Variants in MIER3 observed in about 807,000 individuals in gnomAD.
The protein encoded by MIER3 is MIER family member 3.
In MIER3, 9 loss-of-function variants were observed where a neutral mutation model predicts 63.2. That is an observed-to-expected ratio of 0.14 (90% confidence interval 0.09 to 0.25). MIER3 has a LOEUF of 0.25. Ranked by LOEUF, MIER3 falls within the 10% of genes least tolerant of loss-of-function variation. MIER3 has a pLI of 1.00. For synonymous variants in MIER3, 205 were observed against 224.9 expected (o/e 0.91, Z 0.79); for missense variants, 512 against 666.2 (o/e 0.77, Z 2.55).
chr5:56,950,796 C>A, intron 1 of MIER3, 144 bp from the exon 2 acceptor site: 1 of 890,924 alleles, frequency 1.1e-6, no homozygotes, highest in Non-Finnish European at 1.8e-6. Flanking sequence ...CGAATCGCTC[C>A]CGGCCCCTTT....
At chr5:56,941,291 G>A in intron 3 of MIER3, 1 of 266,892 alleles carries the variant, frequency 3.7e-6, no homozygotes, top group Non-Finnish European at 5.8e-6. Context: ...ATGGAGGTAT[G>A]CACAGAGGGT....
At chr5:56,951,043 A>T (rs566873118) in intron 1 of MIER3, among the ~76,000 whole-genome samples, 1 of 152,166 alleles carries the variant, frequency 6.6e-6, no homozygotes, top group East Asian at 1.9e-4. Flanking sequence ...AAACAACTCG[A>T]AACGTAACAC....
intron 3 of MIER3, among the ~76,000 whole-genome samples, chr5:56,944,657 T>C (rs1468315997): frequency 1.3e-5 from 2 of 152,210 alleles, no homozygotes; most frequent in African/African-American, 4.8e-5. Flanking sequence ...AGGCACAGGC[T>C]GCAAAACTAT....
chr5:56,949,335 G>A (rs564657021), intron 2 of MIER3, among the ~76,000 whole-genome samples: 5 of 152,130 alleles, frequency 3.3e-5, no homozygotes, highest in East Asian at 1.9e-4. Context: ...CCTGCATAAC[G>A]TCTCAAACAA....
Position 56,939,794 on chromosome 5 carries a change from C to A in MIER3, c.181-777G>T, listed in dbSNP as rs549308250. On this transcript the variant is annotated intron_variant, in intron 3 of 12. Coordinates refer to ENST00000381199, the MANE Select transcript of MIER3 (RefSeq NM_001297599.2). Reference sequence around the variant, plus strand: ...ATGTGAAAATAAGTGTTACCATGCACAACGTAACATTCAGTACATGCAGAC... The same window carrying A: ...ATGTGAAAATAAGTGTTACCATGCAAAACGTAACATTCAGTACATGCAGAC... Among the ~76,000 whole-genome samples the A allele has an allele frequency of 7.1e-4, 108 of 152,280 alleles. 4 individuals are homozygous for A. The South Asian group carries it at 0.021, about 30-fold the overall frequency.
intron 3 of MIER3, among the ~76,000 whole-genome samples, chr5:56,946,001 T>A (rs1412279186): frequency 1.3e-5 from 2 of 152,200 alleles, no homozygotes; most frequent in Non-Finnish European, 2.9e-5. Context: ...ACCACATGTA[T>A]ACAGTTGTAC....
intron 3 of MIER3, among the ~76,000 whole-genome samples, chr5:56,942,966 C>T (rs913820846): frequency 6.6e-6 from 1 of 151,920 alleles, no homozygotes; most frequent in Non-Finnish European, 1.5e-5. Context: ...ATTGCAAGAC[C>T]CCTTCTCTAT....
At chr5:56,924,263 T>C (rs186113030) in intron 10 of MIER3, among the ~76,000 whole-genome samples, 1 of 151,884 alleles carries the variant, frequency 6.6e-6, no homozygotes, top group African/African-American at 2.4e-5. Flanking sequence ...GTTTTTTTTT[T>C]AAAAAAATCA....
In MIER3 at chr5:56,950,536, G is replaced by A. The variant is rs1750983229; in HGVS notation, c.34+92C>T. On this transcript the variant is annotated intron_variant, in intron 2 of 12. Coordinates refer to ENST00000381199, the MANE Select transcript of MIER3 (RefSeq NM_001297599.2). ...AAAATCAATGAAGAAAAACCTGCAG[G>A]ATACATTTCTATTGGGAATCCTTTA... The A allele has an allele frequency of 2.3e-6, 3 of 1,326,184 alleles. No individual in the cohort carries two copies. In the Admixed American group the frequency reaches 6.0e-5, roughly 26 times the overall value. 82.2% of individuals were successfully genotyped at this position (1,326,184 alleles called of 1,614,324 possible). A position where few individuals can be genotyped will look rare whatever the true frequency, so the allele number is the denominator to read the frequency against.
chr5:56,941,087 C>G, intron 3 of MIER3: 1 of 985,400 alleles, frequency 1.0e-6, no homozygotes, highest in South Asian at 4.7e-5. Flanking sequence ...ACTGGACATA[C>G]AAATGAAATT....
At chr5:56,928,545 C>A in intron 10 of MIER3, 1 of 343,146 alleles carries the variant, frequency 2.9e-6, no homozygotes, top group South Asian at 9.0e-5. Context: ...AGTCCACTTT[C>A]TGTGTCAACT....
chr5:56,927,328 A>G (rs1204071822), intron 10 of MIER3, among the ~76,000 whole-genome samples: 1 of 152,126 alleles, frequency 6.6e-6, no homozygotes, highest in East Asian at 1.9e-4. Flanking sequence ...TATAATAATA[A>G]CTATAGGAGT....
chr5:56,935,085 CTCATTA>C (rs1750393813), intron 7 of MIER3, among the ~76,000 whole-genome samples: 1 of 152,136 alleles, frequency 6.6e-6, no homozygotes, highest in Admixed American at 6.5e-5. Context: ...TCTTAACATT[CTCATTA>C]TCTCAGGTGA....
chr5:56,938,662 G>A (rs1311677235), intron 4 of MIER3, among the ~76,000 whole-genome samples: 1 of 152,170 alleles, frequency 6.6e-6, no homozygotes, highest in Non-Finnish European at 1.5e-5. Context: ...AAAACATTAT[G>A]GGAGAATATT....
At chr5:56,939,269 A>T (rs1343389152) in intron 3 of MIER3, among the ~76,000 whole-genome samples, 3 of 152,238 alleles carry the variant, frequency 2.0e-5, no homozygotes, top group African/African-American at 7.2e-5. Flanking sequence ...TTACTATTTT[A>T]AAAATTCCTC....
intron 10 of MIER3, chr5:56,925,209 CAT>C: frequency 3.1e-6 from 1 of 320,712 alleles, no homozygotes; most frequent in Non-Finnish European, 6.1e-6. Flanking sequence ...GATTTTCAAA[CAT>C]ACAGAAAGTG....
At chr5:56,939,962 A>C (rs1472149059) in intron 3 of MIER3, among the ~76,000 whole-genome samples, 9 of 152,190 alleles carry the variant, frequency 5.9e-5, no homozygotes, top group Non-Finnish European at 1.3e-4. Flanking sequence ...CTGCCTAATG[A>C]CGCCTTTTTC....
Position 56,921,678 on chromosome 5 carries a change from C to T in MIER3, c.*1450G>A, listed in dbSNP as rs1749680471. 1 of 152,644 alleles carries T rather than the reference C, an allele frequency of 6.6e-6. No individual in the cohort carries two copies. Among genetic ancestry groups the T allele is most frequent in the South Asian group, 2.1e-4 (1 of 4,838 alleles). The allele number at this position is 152,644 out of a possible 1,614,324, so 9.5% of individuals were successfully genotyped here. ...CATCCTATCTACTCATCAGCACAAC[C>T]TTGAAGCAACTTATACTTACAAATA... is the stretch of plus-strand genomic sequence containing the variant. On this transcript the variant is annotated 3_prime_UTR_variant, in exon 13 of 13. Coordinates refer to ENST00000381199, the MANE Select transcript of MIER3 (RefSeq NM_001297599.2).
intron 3 of MIER3, among the ~76,000 whole-genome samples, chr5:56,944,412 C>T (rs1295007810): frequency 9.2e-5 from 14 of 151,912 alleles, no homozygotes; most frequent in Admixed American, 8.5e-4. Flanking sequence ...ATCCGGGAGG[C>T]GGAGCCTGCA....
Sources: allele counts gnomAD v4.1 joint callset (sites outside exome capture counted in the v4.1 genomes callset), GRCh38; gene constraint gnomAD v4.1.1; transcripts MANE v1.5; gene names NCBI Gene and HGNC (gene_info 2026-07-23, HGNC 2026-07-21).